The following MYLK variants were observed in gnomAD, a reference collection of about 807,000 sequenced individuals.
The protein encoded by MYLK is myosin light chain kinase.
In MYLK, 106 loss-of-function variants were observed where a neutral mutation model predicts 203.4. The ratio of observed to expected loss-of-function variants is 0.52; its 90% CI spans 0.45 to 0.61. The LOEUF is 0.61. MYLK is among the 20% of genes least tolerant of loss of function. The probability of loss-of-function intolerance (pLI) is 0.00; values close to 1 mark genes in which losing one functional copy is unlikely to be tolerated. For missense variants in MYLK, 2,072 were observed against 2,442.3 expected (o/e 0.85, Z 3.20); for synonymous variants, 867 against 959.5 (o/e 0.90, Z 1.78).
chr3:123,696,589 A>G (rs2060937474), intron 18 of MYLK, among the ~76,000 whole-genome samples: 1 of 150,202 alleles, frequency 6.7e-6, no homozygotes, highest in African/African-American at 2.5e-5. Context: ...CCATTCCTTC[A>G]TCTTCTTTAC....
At chr3:123,683,931 G>A (rs1398397056) in intron 19 of MYLK, among the ~76,000 whole-genome samples, 2 of 152,130 alleles carry the variant, frequency 1.3e-5, no homozygotes, top group African/African-American at 4.8e-5. Flanking sequence ...GGGCAAAGGA[G>A]CCCCAGATGG....
At chr3:123,799,169 C>T (rs1032913912) in intron 3 of MYLK, among the ~76,000 whole-genome samples, 3 of 149,462 alleles carry the variant, frequency 2.0e-5, no homozygotes, top group East Asian at 3.9e-4. Flanking sequence ...TGGAAACTCC[C>T]CCTTACCCCC....
intron 2 of MYLK, among the ~76,000 whole-genome samples, chr3:123,854,537 C>G (rs1337024892): frequency 6.6e-6 from 1 of 151,918 alleles, no homozygotes; most frequent in Non-Finnish European, 1.5e-5. Context: ...TACATATTTT[C>G]TCACTGTTTA....
At chr3:123,739,880 C>T in intron 6 of MYLK, 73 bp downstream of exon 6, 2 of 1,535,488 alleles carry the variant, frequency 1.3e-6, no homozygotes, top group Non-Finnish European at 1.8e-6. Context: ...AGACTTACTC[C>T]CCAGACCTAT....
chr3:123,742,367 CCCAAAGACAGGAAAATGA>C (rs1251798292), intron 5 of MYLK, among the ~76,000 whole-genome samples: 2 of 152,016 alleles, frequency 1.3e-5, no homozygotes, highest in Non-Finnish European at 2.9e-5. Context: ...AACTAAAATA[CCCAAAGACAGGAAAATGA>C]CAAGAAAAGG....
At chr3:123,808,199 T>C (rs139489154) in intron 3 of MYLK, among the ~76,000 whole-genome samples, 19 of 152,342 alleles carry the variant, frequency 1.2e-4, no homozygotes, top group African/African-American at 4.3e-4. Flanking sequence ...CACACAGCCC[T>C]GTCCATTCTC....
At chr3:123,796,198 A>G (rs2064979975) in intron 3 of MYLK, among the ~76,000 whole-genome samples, 2 of 152,214 alleles carry the variant, frequency 1.3e-5, no homozygotes, top group African/African-American at 4.8e-5. Context: ...AATATAAATA[A>G]TAAATAGCTC....
At chr3:123,827,352 A>G (rs1195829069) in intron 3 of MYLK, among the ~76,000 whole-genome samples, 1 of 152,164 alleles carries the variant, frequency 6.6e-6, no homozygotes, top group African/African-American at 2.4e-5. Flanking sequence ...AAGGCACATT[A>G]TAATCAAATT....
At chr3:123,773,835 T>C (rs1428201546) in intron 4 of MYLK, among the ~76,000 whole-genome samples, 1 of 152,220 alleles carries the variant, frequency 6.6e-6, no homozygotes, top group Non-Finnish European at 1.5e-5. Context: ...CACGAAAACG[T>C]TGCACTGGTT....
chr3:123,676,401 A>C (rs2060073277), intron 20 of MYLK, among the ~76,000 whole-genome samples: 1 of 152,200 alleles, frequency 6.6e-6, no homozygotes, highest in Non-Finnish European at 1.5e-5. Flanking sequence ...AGCCTTTTGA[A>C]TCCCATCAGG....
intron 2 of MYLK, among the ~76,000 whole-genome samples, chr3:123,839,479 T>C (rs1215109905): frequency 6.6e-6 from 1 of 152,166 alleles, no homozygotes; most frequent in Admixed American, 6.5e-5. Context: ...AATTTCATAA[T>C]GATAAAAGGA....
At chr3:123,649,881 T>G (rs986154981) in intron 24 of MYLK, among the ~76,000 whole-genome samples, 2 of 152,116 alleles carry the variant, frequency 1.3e-5, no homozygotes. Context: ...TTAGAAGAAA[T>G]AGCCTTTGAG....
At chr3:123,657,019 T>C (rs942275814) in intron 24 of MYLK, 107 bp downstream of exon 24, 17 of 1,301,324 alleles carry the variant, frequency 1.3e-5, no homozygotes, top group Non-Finnish European at 1.7e-5. Flanking sequence ...CCAGTCATCA[T>C]TAATGTTTCC....
At chr3:123,810,686 A>T (rs2065528561) in intron 3 of MYLK, among the ~76,000 whole-genome samples, 1 of 152,298 alleles carries the variant, frequency 6.6e-6, no homozygotes, top group African/African-American at 2.4e-5. Context: ...CCACTCAAGC[A>T]CCAGCTGCAT....
intron 4 of MYLK, among the ~76,000 whole-genome samples, chr3:123,765,551 A>T (rs2108954231): frequency 6.6e-6 from 1 of 152,126 alleles, no homozygotes; most frequent in African/African-American, 2.4e-5. Context: ...AAAGAAAGGA[A>T]AAAAAACAAA....
intron 4 of MYLK, among the ~76,000 whole-genome samples, chr3:123,789,355 T>C (rs560193232): frequency 3.9e-5 from 6 of 152,010 alleles, no homozygotes; most frequent in African/African-American, 1.2e-4. Flanking sequence ...CCTAGCAACA[T>C]CTTTTCATGG....
At chr3:123,847,726 GA>G (rs2030206021) in intron 2 of MYLK, among the ~76,000 whole-genome samples, 1 of 152,020 alleles carries the variant, frequency 6.6e-6, no homozygotes, top group Non-Finnish European at 1.5e-5. Context: ...TTCTAATGTT[GA>G]ATCATCCTTC....
At chr3:123,867,853 A>G (rs537025000) in intron 2 of MYLK, among the ~76,000 whole-genome samples, 1 of 152,176 alleles carries the variant, frequency 6.6e-6, no homozygotes, top group East Asian at 1.9e-4. Flanking sequence ...TCCACAGCTC[A>G]TAAGCAACTC....
intron 20 of MYLK, among the ~76,000 whole-genome samples, chr3:123,669,081 G>C (rs755791501): frequency 6.6e-6 from 1 of 152,232 alleles, no homozygotes; most frequent in Non-Finnish European, 1.5e-5. Context: ...TGGAACTTGT[G>C]CATTTCCACG....
Sources: gnomAD v4.1 joint callset for allele counts (sites outside exome capture counted in the v4.1 genomes callset) on GRCh38, gnomAD v4.1.1 for gene constraint, MANE v1.5 for transcripts, NCBI Gene and HGNC (gene_info 2026-07-23, HGNC 2026-07-21) for gene names.